NTM: variants seen among roughly 807,000 people sequenced by gnomAD.
NTM encodes IgLON family member 2.
A neutral mutation model predicts 42.1 loss-of-function variants in NTM; 13 were observed. That is an observed-to-expected ratio of 0.31 (90% CI 0.20 to 0.49). NTM has a LOEUF of 0.49. Among genes scored for constraint, NTM ranks in the 20% least tolerant of loss-of-function variants. NTM has a pLI of 0.99. For synonymous variants in NTM, 187 were observed against 179.2 expected, an observed-to-expected ratio of 1.04 and a Z score of -0.35; for missense variants, 373 against 452.8, an observed-to-expected ratio of 0.82 and a Z score of 1.60.
chr11:132,216,688 A>C (rs115339938), intron 4 of NTM, among the ~76,000 whole-genome samples: 36 of 152,336 alleles, frequency 2.4e-4, no homozygotes, highest in African/African-American at 8.4e-4. Flanking sequence ...CTTCTAGCAC[A>C]ATGCCTAGCA....
chr11:131,880,623 C>T (rs2049312128), intron 1 of NTM, among the ~76,000 whole-genome samples: 2 of 152,152 alleles, frequency 1.3e-5, no homozygotes, highest in Admixed American at 1.3e-4. Context: ...AATTCCTGCT[C>T]GATTCAAGGG....
At chr11:132,052,186 T>G (rs1189904541) in intron 2 of NTM, among the ~76,000 whole-genome samples, 1 of 152,160 alleles carries the variant, frequency 6.6e-6, no homozygotes, top group Non-Finnish European at 1.5e-5. Context: ...GGAGGGAGAT[T>G]TACAAAGCCA....
At chr11:132,235,680 C>T (rs1038554089) in intron 4 of NTM, among the ~76,000 whole-genome samples, 3 of 152,136 alleles carry the variant, frequency 2.0e-5, no homozygotes, top group East Asian at 3.9e-4. Context: ...CCATAAGCAT[C>T]GACATCTGAC....
intron 4 of NTM, among the ~76,000 whole-genome samples, chr11:132,295,849 T>C (rs2094590675): frequency 6.6e-6 from 1 of 152,080 alleles, no homozygotes; most frequent in Admixed American, 6.5e-5. Flanking sequence ...GCAATTATTT[T>C]GGCAATAAAG....
chr11:132,248,528 G>T (rs900984256), intron 4 of NTM, among the ~76,000 whole-genome samples: 1 of 152,066 alleles, frequency 6.6e-6, no homozygotes, highest in South Asian at 2.1e-4. Context: ...GGGCCAGTGT[G>T]GTCCCTGGTC....
At chr11:131,881,294 C>T (rs953295526) in intron 1 of NTM, among the ~76,000 whole-genome samples, 1 of 152,048 alleles carries the variant, frequency 6.6e-6, no homozygotes, top group Non-Finnish European at 1.5e-5. Flanking sequence ...TCCTTACCAC[C>T]CTCCTCTCAA....
chr11:132,320,525 T>G lies in NTM; in HGVS notation c.934+5822T>G, dbSNP rs1230380434. On this transcript the variant is annotated intron_variant, in intron 7 of 8. Coordinates refer to ENST00000683400, the MANE Select transcript of NTM (RefSeq NM_001352005.2). ...ATCCCCCAGCTGGCTCGGAGGGTCC[T>G]ACCCCACGGAGTCTCGCTGATTGCT... 2.6e-5 allele frequency among the ~76,000 whole-genome samples: 4 copies of G among 152,326 alleles called. No individual in the cohort carries two copies. The East Asian group carries it at 7.7e-4, about 29-fold the overall frequency.
intron 2 of NTM, among the ~76,000 whole-genome samples, chr11:131,986,151 C>A (rs1349826562): frequency 2.6e-5 from 4 of 152,168 alleles, no homozygotes; most frequent in Admixed American, 1.3e-4. Flanking sequence ...TTTCAAAGAA[C>A]CCCATCTGGC....
chr11:132,268,662 CTCTCTCTCTGTGTGTGTG>C (rs1433359511), intron 4 of NTM, among the ~76,000 whole-genome samples: 2 of 67,866 alleles, frequency 2.9e-5, no homozygotes, highest in Non-Finnish European at 7.2e-5. Flanking sequence ...GGGGTCCTCT[CTCTCTCTCTGTGTGTGTG>C]TGTGTGTGTG....
At chr11:131,448,200 G>T (rs755022749) in intron 1 of NTM, among the ~76,000 whole-genome samples, 2 of 152,230 alleles carry the variant, frequency 1.3e-5, no homozygotes, top group Admixed American at 1.3e-4. Flanking sequence ...CGCTGAAGCC[G>T]CTGCCTTTGT....
At chr11:132,278,044 A>G (rs1343672650) in intron 4 of NTM, among the ~76,000 whole-genome samples, 1 of 152,220 alleles carries the variant, frequency 6.6e-6, no homozygotes, top group Non-Finnish European at 1.5e-5. Context: ...TCACCGCTTA[A>G]TCACTGTGGT....
chr11:132,212,307 T>C (rs1387887562), intron 4 of NTM, among the ~76,000 whole-genome samples, 160 bp downstream of exon 4: 6 of 152,186 alleles, frequency 3.9e-5, no homozygotes, highest in Non-Finnish European at 2.9e-5. Context: ...GTTGATGTTC[T>C]CTGCAAAACA....
intron 1 of NTM, among the ~76,000 whole-genome samples, chr11:131,634,912 C>A (rs937674017): frequency 6.6e-6 from 1 of 152,062 alleles, no homozygotes; most frequent in Non-Finnish European, 1.5e-5. Flanking sequence ...GGATATGATA[C>A]GTGTATATAT....
At chr11:131,778,434 AG>A in intron 1 of NTM, among the ~76,000 whole-genome samples, 1 of 152,224 alleles carries the variant, frequency 6.6e-6, no homozygotes, top group Non-Finnish European at 1.5e-5. Context: ...TTCAAAGTAA[AG>A]TCCCTTTTCA....
chr11:131,488,190 G>T (rs1954394015), intron 1 of NTM, among the ~76,000 whole-genome samples: 1 of 152,194 alleles, frequency 6.6e-6, no homozygotes, highest in African/African-American at 2.4e-5. Context: ...AACTTGGGGG[G>T]TTCAAACAAG....
At chr11:131,470,635 C>A (rs927386139) in intron 1 of NTM, among the ~76,000 whole-genome samples, 5 of 152,160 alleles carry the variant, frequency 3.3e-5, no homozygotes, top group African/African-American at 1.2e-4. Context: ...CCAAAGGCTC[C>A]CCGAGTTACT....
At chr11:132,046,812 GTCTA>G (rs1423802205) in intron 2 of NTM, among the ~76,000 whole-genome samples, 5 of 152,162 alleles carry the variant, frequency 3.3e-5, no homozygotes, top group Non-Finnish European at 5.9e-5. Flanking sequence ...CTATCTGTCT[GTCTA>G]TCTATCTAAC....
At chr11:131,520,754 GAAAAA>G (rs67512633) in intron 1 of NTM, among the ~76,000 whole-genome samples, 47 of 149,208 alleles carry the variant, frequency 3.1e-4, no homozygotes, top group African/African-American at 1.1e-3. Context: ...ACCCTTAAAA[GAAAAA>G]AAAAAATCTC....
At chr11:132,270,237 T>C (rs1244716700) in intron 4 of NTM, among the ~76,000 whole-genome samples, 2 of 152,178 alleles carry the variant, frequency 1.3e-5, no homozygotes, top group African/African-American at 4.8e-5. Flanking sequence ...TTTTTATTAT[T>C]ATTTTCTTTT....
Sources: gnomAD v4.1 joint callset for allele counts (sites outside exome capture counted in the v4.1 genomes callset) on GRCh38, gnomAD v4.1.1 for gene constraint, MANE v1.5 for transcripts, NCBI Gene and HGNC (gene_info 2026-07-23, HGNC 2026-07-21) for gene names.